The following SOX6 variants were observed in gnomAD, a reference collection of about 807,000 sequenced individuals.
The protein encoded by SOX6 is SRY-box transcription factor 6, also known as transcription factor SOX-6.
A neutral mutation model predicts 97.8 loss-of-function variants in SOX6; 11 were observed. The ratio of observed to expected loss-of-function variants is 0.11; its 90% CI spans 0.07 to 0.19. The LOEUF (loss-of-function observed/expected upper bound fraction) is 0.19, where lower values mean the gene tolerates loss of function less well. Among genes scored for constraint, SOX6 ranks in the 10% least tolerant of loss-of-function variants. SOX6 has a pLI of 1.00. For synonymous variants in SOX6, 360 were observed against 371.4 expected (o/e 0.97, Z 0.35); for missense variants, 810 against 1,039.5 (o/e 0.78, Z 3.04).
At chr11:16,092,192 T>G (rs1216081450) in intron 9 of SOX6, among the ~76,000 whole-genome samples, 1 of 152,024 alleles carries the variant, frequency 6.6e-6, no homozygotes, top group African/African-American at 2.4e-5. Context: ...TCAGAATCTC[T>G]TATACATATA....
At chr11:16,260,344 C>T (rs1166070144) in intron 3 of SOX6, among the ~76,000 whole-genome samples, 1 of 152,092 alleles carries the variant, frequency 6.6e-6, no homozygotes, top group Non-Finnish European at 1.5e-5. Flanking sequence ...TCTTTATTTA[C>T]ACAAATCCTT....
At chr11:16,660,388 A>G (rs959031266) in intron 3 of SOX6, among the ~76,000 whole-genome samples, 4 of 152,182 alleles carry the variant, frequency 2.6e-5, no homozygotes, top group African/African-American at 9.6e-5. Context: ...TTTCATCTCC[A>G]AACATTTTGG....
At chr11:16,525,703 A>G (rs1169030873) in intron 4 of SOX6, among the ~76,000 whole-genome samples, 3 of 151,806 alleles carry the variant, frequency 2.0e-5, no homozygotes, top group African/African-American at 2.4e-5. Flanking sequence ...GCAACCTACA[A>G]AATGGGAGAA....
rs1855293681 is a variant in SOX6, at chr11:16,302,573, T to TTC, written c.445+15872_445+15873insGA. On this transcript the variant is annotated intron_variant, in intron 3 of 15. Coordinates refer to ENST00000683767, the MANE Select transcript of SOX6 (RefSeq NM_001367873.1). Reference sequence around the variant, plus strand: ...ATTTTTTTTTCTTTTTTTCTTTTTTTTTTTTTTTTTTTTTTGAGAGGCAGT... The same window carrying TTC: ...ATTTTTTTTTCTTTTTTTCTTTTTTTTCTTTTTTTTTTTTTTTGAGAGGCAGT... Among the ~76,000 whole-genome samples, 7 of 139,088 alleles carry TTC rather than the reference T, an allele frequency of 5.0e-5. No individual in the cohort carries two copies. The South Asian group carries it at 1.6e-3, about 31-fold the overall frequency. The allele number at this position is 139,088 out of a possible 152,430, so 91.2% of individuals were successfully genotyped here. A position where few individuals can be genotyped will look rare whatever the true frequency, so the allele number is the denominator to read the frequency against.
intron 1 of SOX6, among the ~76,000 whole-genome samples, chr11:16,393,008 A>T (rs1858232166): frequency 6.6e-6 from 1 of 152,122 alleles, no homozygotes; most frequent in Non-Finnish European, 1.5e-5. Context: ...CAAGAACTTC[A>T]TCATCACAAC....
intron 9 of SOX6, among the ~76,000 whole-genome samples, chr11:16,077,355 C>G (rs1209662615): frequency 6.6e-6 from 1 of 152,106 alleles, no homozygotes; most frequent in East Asian, 1.9e-4. Context: ...TTATATACTG[C>G]TTGTAGGAAT....
chr11:16,682,298 C>T (rs564302617), intron 3 of SOX6, among the ~76,000 whole-genome samples: 5 of 152,156 alleles, frequency 3.3e-5, no homozygotes, highest in South Asian at 2.1e-4. Context: ...CTAGCCTGGG[C>T]GACAGAACAA....
intron 1 of SOX6, among the ~76,000 whole-genome samples, chr11:16,406,121 G>A (rs190645637): frequency 3.9e-5 from 6 of 151,914 alleles, no homozygotes; most frequent in Non-Finnish European, 7.4e-5. Context: ...CTAGAATTCC[G>A]CACAGAGGAA....
chr11:16,225,079 A>C (rs1026222536), intron 4 of SOX6, among the ~76,000 whole-genome samples: 1 of 152,074 alleles, frequency 6.6e-6, no homozygotes, highest in African/African-American at 2.4e-5. Context: ...CTGTTGTGAC[A>C]ATCTTTTTTA....
chr11:16,469,065 C>A (rs535783897), intron 1 of SOX6, among the ~76,000 whole-genome samples: 45 of 149,274 alleles, frequency 3.0e-4, no homozygotes, highest in Non-Finnish European at 6.4e-4. Context: ...AACAGAGGAA[C>A]TTGGTACAGC....
At chr11:16,424,378 G>T (rs1272083844) in intron 1 of SOX6, among the ~76,000 whole-genome samples, 1 of 152,138 alleles carries the variant, frequency 6.6e-6, no homozygotes, top group Non-Finnish European at 1.5e-5. Flanking sequence ...AACTTGCAAG[G>T]TTAGCAAGAC....
At chr11:16,180,992 T>C (rs940687933) in intron 6 of SOX6, among the ~76,000 whole-genome samples, 2 of 151,728 alleles carry the variant, frequency 1.3e-5, no homozygotes, top group Non-Finnish European at 3.0e-5. Flanking sequence ...TCATTTTCAT[T>C]TGTTTCCATT....
At chr11:16,302,213 T>TA (rs1855278288) in intron 3 of SOX6, among the ~76,000 whole-genome samples, 1 of 152,170 alleles carries the variant, frequency 6.6e-6, no homozygotes, top group Admixed American at 6.5e-5. Context: ...TTACTTTTCT[T>TA]AAAAAAGTGT....
chr11:16,050,147 G>A (rs546623802), intron 10 of SOX6, among the ~76,000 whole-genome samples: 1 of 152,204 alleles, frequency 6.6e-6, no homozygotes, highest in African/African-American at 2.4e-5. Flanking sequence ...TACATTAACT[G>A]TGTAGTTGGA....
intron 4 of SOX6, among the ~76,000 whole-genome samples, chr11:16,522,232 A>C (rs1861078910): frequency 6.6e-6 from 1 of 152,190 alleles, no homozygotes; most frequent in African/African-American, 2.4e-5. Flanking sequence ...GCCACAGAGA[A>C]AGGTCGGGTT....
chr11:16,439,239 G>A lies in SOX6; in HGVS notation c.-5+37076C>T, dbSNP rs1590204100. On this transcript the variant is annotated intron_variant, in intron 1 of 15. Transcript: ENST00000396356. Reference sequence around the variant, plus strand: ...AGTTGAAACGTAAAGGGAATGTAATGCAGAGATACAGAACCAGATAAACAG... The same window carrying A: ...AGTTGAAACGTAAAGGGAATGTAATACAGAGATACAGAACCAGATAAACAG... Among the ~76,000 whole-genome samples, 3 of 152,290 alleles carry A rather than the reference G, an allele frequency of 2.0e-5. No individual in the cohort carries two copies. The South Asian group carries it at 6.2e-4, about 32-fold the overall frequency.
intron 1 of SOX6, among the ~76,000 whole-genome samples, chr11:16,420,374 C>T (rs553322922): frequency 6.6e-5 from 10 of 152,044 alleles, no homozygotes; most frequent in Admixed American, 1.3e-4. Flanking sequence ...CAACAGCAGC[C>T]GACTACATTT....
At chr11:16,394,849 A>G (rs942824041) in intron 1 of SOX6, among the ~76,000 whole-genome samples, 1 of 151,886 alleles carries the variant, frequency 6.6e-6, no homozygotes, top group Admixed American at 6.6e-5. Flanking sequence ...TTGAAAGTTC[A>G]GTTCCTGTGT....
At chr11:16,277,140 A>G (rs555089261) in intron 3 of SOX6, among the ~76,000 whole-genome samples, 2 of 152,204 alleles carry the variant, frequency 1.3e-5, no homozygotes, top group South Asian at 4.1e-4. Flanking sequence ...GGACTGAACT[A>G]TGTTCCCCCA....
Sources: gnomAD v4.1 joint callset for allele counts (sites outside exome capture counted in the v4.1 genomes callset) on GRCh38, gnomAD v4.1.1 for gene constraint, MANE v1.5 for transcripts, NCBI Gene and HGNC (gene_info 2026-07-23, HGNC 2026-07-21) for gene names.